Variants in EYS observed in about 807,000 individuals in gnomAD.
EYS encodes the protein protein eyes shut homolog.
In EYS, 250 loss-of-function variants were observed where a neutral mutation model predicts 282.1. The ratio of observed to expected loss-of-function variants is 0.89; its 90% CI spans 0.80 to 0.98. EYS has a LOEUF of 0.98. Among genes scored for constraint, EYS ranks in the 50% least tolerant of loss-of-function variants. The pLI is 0.00. For synonymous variants in EYS, 1,355 were observed against 1,282.9 expected, an observed-to-expected ratio of 1.06 and a Z score of -1.20; for missense variants, 4,016 against 3,709.0, an observed-to-expected ratio of 1.08 and a Z score of -2.15.
chr6:64,377,128 C>G (rs893178726), intron 29 of EYS, among the ~76,000 whole-genome samples: 1 of 148,824 alleles, frequency 6.7e-6, no homozygotes, highest in African/African-American at 2.6e-5. Flanking sequence ...TAGATAGATA[C>G]ATTTGTTGGA....
intron 1 of EYS, among the ~76,000 whole-genome samples, chr6:65,672,996 C>T (rs1768447282): frequency 6.6e-6 from 1 of 151,874 alleles, no homozygotes. Context: ...GCTTCTGAGC[C>T]AGGAGAAGGA....
chr6:63,744,846 G>T (rs1467417728), intron 41 of EYS: 1 of 275,478 alleles, frequency 3.6e-6, no homozygotes, highest in Non-Finnish European at 7.1e-6. Flanking sequence ...GAGATTACAG[G>T]CATGAGCCAC....
At chr6:65,306,244 C>T (rs1769000985) in intron 11 of EYS, among the ~76,000 whole-genome samples, 1 of 152,228 alleles carries the variant, frequency 6.6e-6, no homozygotes, top group Admixed American at 6.5e-5. Flanking sequence ...TTGTAAGCGG[C>T]TCATCAAGAG....
At chr6:65,544,827 C>T (rs1768321383) in intron 2 of EYS, among the ~76,000 whole-genome samples, 1 of 151,880 alleles carries the variant, frequency 6.6e-6, no homozygotes, top group African/African-American at 2.4e-5. Context: ...CTCATTGAGG[C>T]AAAAGAATAA....
intron 5 of EYS, among the ~76,000 whole-genome samples, chr6:65,433,691 T>G (rs909657947): frequency 3.3e-5 from 5 of 152,168 alleles, no homozygotes; most frequent in Admixed American, 1.3e-4. Context: ...TGTTAATAAT[T>G]TGATAGCTTT....
intron 13 of EYS, among the ~76,000 whole-genome samples, chr6:65,002,011 A>G (rs1469446418): frequency 6.9e-6 from 1 of 145,538 alleles, no homozygotes; most frequent in African/African-American, 2.4e-5. Context: ...CATATCTTAG[A>G]AAAAATCATA....
intron 12 of EYS, among the ~76,000 whole-genome samples, chr6:65,271,986 T>C (rs1244427440): frequency 6.6e-6 from 1 of 152,184 alleles, no homozygotes; most frequent in Non-Finnish European, 1.5e-5. Context: ...CTTAGTCCTA[T>C]GTCTACAGGA....
intron 19 of EYS, among the ~76,000 whole-genome samples, chr6:64,829,326 C>T (rs1765149384): frequency 6.6e-6 from 1 of 151,976 alleles, no homozygotes; most frequent in African/African-American, 2.4e-5. Flanking sequence ...ATATGGAGGC[C>T]TGTGCATGGA....
chr6:64,801,532 A>G (rs766483840), intron 22 of EYS, among the ~76,000 whole-genome samples: 7 of 125,628 alleles, frequency 5.6e-5, no homozygotes, highest in Non-Finnish European at 1.3e-4. Context: ...TGAAATTGTT[A>G]TATACTCTGG....
chr6:65,462,492 G>C (rs1472241233), intron 5 of EYS, among the ~76,000 whole-genome samples: 2 of 151,834 alleles, frequency 1.3e-5, no homozygotes, highest in Admixed American at 1.3e-4. Context: ...TCTTTACATT[G>C]AACAATAACT....
chr6:64,790,425 T>C (rs766948884), intron 22 of EYS, among the ~76,000 whole-genome samples: 22 of 151,990 alleles, frequency 1.4e-4, no homozygotes, highest in Non-Finnish European at 3.1e-4. Context: ...ATTCAGTTAG[T>C]TCAATCATAA....
At chr6:64,152,484 C>A (rs998371705) in intron 31 of EYS, among the ~76,000 whole-genome samples, 1 of 152,146 alleles carries the variant, frequency 6.6e-6, no homozygotes, top group Non-Finnish European at 1.5e-5. Context: ...CTATACCTTG[C>A]TGCTTCTATA....
chr6:64,706,832 G>A (rs768891193), intron 22 of EYS, among the ~76,000 whole-genome samples: 15 of 152,100 alleles, frequency 9.9e-5, no homozygotes, highest in Non-Finnish European at 1.9e-4. Flanking sequence ...TGGTGGGGAT[G>A]TGGTAAAAAG....
chr6:64,280,338 T>A (rs1449482292), intron 30 of EYS, among the ~76,000 whole-genome samples: 2 of 152,110 alleles, frequency 1.3e-5, no homozygotes, highest in South Asian at 4.1e-4. Context: ...TGACTTAACC[T>A]CACCTAGATA....
intron 2 of EYS, among the ~76,000 whole-genome samples, chr6:65,539,427 A>T (rs571010904): frequency 6.6e-6 from 1 of 152,192 alleles, no homozygotes; most frequent in Non-Finnish European, 1.5e-5. Flanking sequence ...ATTTCTGAGA[A>T]AGCTATGATA....
chr6:65,678,984 A>G (rs1275058371), intron 1 of EYS, among the ~76,000 whole-genome samples: 1 of 151,968 alleles, frequency 6.6e-6, no homozygotes. Flanking sequence ...AGGATGTGAT[A>G]ATAATAATCC....
At chr6:64,628,073 C>T (rs978676405) in intron 22 of EYS, among the ~76,000 whole-genome samples, 1 of 152,150 alleles carries the variant, frequency 6.6e-6, no homozygotes, top group Non-Finnish European at 1.5e-5. Context: ...GTGCGAGACT[C>T]CGTCTCAAAA....
rs371503352 is a variant in EYS at position 64,494,243 on chromosome 6, A to G, written c.5645-54891T>C. ...CATTTATCCTCAAACCATTCTCCAC[A>G]GAGCAGCTAAAGTTATTTTTAATGC... On this transcript the variant is annotated intron_variant, in intron 26 of 42. Transcript: ENST00000503581. Among the ~76,000 whole-genome samples, 4 of 151,780 alleles carry G rather than the reference A, an allele frequency of 2.6e-5. No homozygotes were observed. The East Asian group carries it at 7.8e-4, about 30-fold the overall frequency.
chr6:63,791,577 C>CAAAA (rs889736940), intron 37 of EYS, among the ~76,000 whole-genome samples: 2 of 52,704 alleles, frequency 3.8e-5, no homozygotes, highest in Admixed American at 2.2e-4. Flanking sequence ...GACTCCCTCT[C>CAAAA]AAAAAAAAAA....
Sources: allele counts gnomAD v4.1 joint callset (sites outside exome capture counted in the v4.1 genomes callset), GRCh38; gene constraint gnomAD v4.1.1; transcripts MANE v1.5; gene names NCBI Gene and HGNC (gene_info 2026-07-23, HGNC 2026-07-21).